Variants in ANKRD62 observed in about 807,000 individuals in gnomAD.
The protein encoded by ANKRD62 is ankyrin repeat domain 62, also known as ankyrin repeat domain-containing protein 62.
Under a neutral mutation model 98.8 loss-of-function variants are expected in ANKRD62, and 61 were observed. The ratio of observed to expected loss-of-function variants is 0.62; its 90% CI spans 0.50 to 0.76. The LOEUF (loss-of-function observed/expected upper bound fraction) is 0.76. Among genes scored for constraint, ANKRD62 ranks in the 30% least tolerant of loss-of-function variants. The pLI is 0.00. For missense variants in ANKRD62, 933 were observed against 1,082.9 expected (o/e 0.86, Z 1.94); for synonymous variants, 341 against 367.9 (o/e 0.93, Z 0.84).
chr18:12,106,627 C>T (rs764518624), intron 7 of ANKRD62, among the ~76,000 whole-genome samples: 12 of 152,130 alleles, frequency 7.9e-5, no homozygotes, highest in Non-Finnish European at 1.6e-4. Context: ...CACTGTATAT[C>T]CTCCAGCTAT....
chr18:12,115,572 C>T, intron 10 of ANKRD62, 38 bp downstream of exon 10: 1 of 1,507,764 alleles, frequency 6.6e-7, no homozygotes, highest in Non-Finnish European at 8.9e-7. Flanking sequence ...CTTTCCCTAT[C>T]CTATAGTAAT....
Position 12,115,461 on chromosome 18 carries a change from GGAT to G in ANKRD62, c.1173_1175del (p.Asp391del), listed in dbSNP as rs763272059. 1.1e-4 allele frequency: 173 copies of G among 1,537,120 alleles called. No individual in the cohort carries two copies. Among genetic ancestry groups the G allele is most frequent in the Non-Finnish European group, 3.8e-5 (44 of 1,146,520 alleles). ...GTGGGTCATCTGAAAAAACCTCAGA[GGAT>G]GATGAGTTGCCTTACTCTGATGATG... On this transcript the variant is annotated inframe_deletion, in exon 10 of 14. Coordinates refer to ENST00000587848, the MANE Select transcript of ANKRD62 (RefSeq NM_001277333.2).
chr18:12,137,599 G>A, the ANKRD62 span, among the ~76,000 whole-genome samples: 7 of 151,824 alleles, frequency 4.6e-5, no homozygotes, highest in Middle Eastern at 3.4e-3. Flanking sequence ...TTTTCTATTG[G>A]TTGCAATAGT....
chr18:12,103,283 C>T (rs535480865), intron 7 of ANKRD62, 55 bp downstream of exon 7: 2 of 1,125,690 alleles, frequency 1.8e-6, no homozygotes, highest in Non-Finnish European at 2.3e-6. Flanking sequence ...GTAGCATAAT[C>T]CAAATGAAAT....
chr18:12,113,246 A>C (rs1440785478), intron 8 of ANKRD62, among the ~76,000 whole-genome samples: 2 of 152,202 alleles, frequency 1.3e-5, no homozygotes, highest in Non-Finnish European at 2.9e-5. Flanking sequence ...CAAACATGGA[A>C]AAAAAGCTCA....
chr18:12,105,597 T>G (rs1395809402), intron 7 of ANKRD62, among the ~76,000 whole-genome samples: 1 of 152,250 alleles, frequency 6.6e-6, no homozygotes, highest in African/African-American at 2.4e-5. Flanking sequence ...GGCCACTTGC[T>G]GCCACTCGTT....
At chr18:12,122,559 C>A in intron 11 of ANKRD62, 43 bp downstream of exon 11, 1 of 1,445,932 alleles carries the variant, frequency 6.9e-7, no homozygotes, top group Non-Finnish European at 9.2e-7. Flanking sequence ...ACTATTTATA[C>A]TAAGGATATG....
At chr18:12,135,716 CTT>C in the ANKRD62 span, among the ~76,000 whole-genome samples, 2 of 151,988 alleles carry the variant, frequency 1.3e-5, no homozygotes, top group Non-Finnish European at 2.9e-5. Flanking sequence ...TGTTTCCTGA[CTT>C]TTTAATGATC....
At chr18:12,170,324 G>A in the ANKRD62 span, among the ~76,000 whole-genome samples, 642 of 152,276 alleles carry the variant, frequency 4.2e-3, 9 homozygotes, top group African/African-American at 0.015. Flanking sequence ...GTTCTGGTAT[G>A]TTGTGTCTTT....
At chr18:12,122,925 GTTGA>G (rs530999471) in intron 11 of ANKRD62, among the ~76,000 whole-genome samples, 12 of 152,184 alleles carry the variant, frequency 7.9e-5, no homozygotes, top group African/African-American at 2.6e-4. Flanking sequence ...AAAAGAGATC[GTTGA>G]TTAATATTAC....
Position 12,122,164 on chromosome 18 carries a change from A to G in ANKRD62, c.1241-139A>G, listed in dbSNP as rs372826887. ...TGTTTTATCTGAAGAGCTTTCTAAA[A>G]TATTTTCCACATTGCAAGCACTTAA... On this transcript the variant is annotated intron_variant, in intron 10 of 13. Coordinates refer to ENST00000587848, the MANE Select transcript of ANKRD62 (RefSeq NM_001277333.2). The G allele has an allele frequency of 1.2e-4, 71 of 594,612 alleles. 1 individual carries two copies. The South Asian group carries it at 1.4e-3, about 11-fold the overall frequency. 36.8% of individuals were successfully genotyped at this position (594,612 alleles called of 1,614,324 possible).
rs967764998 is a variant in ANKRD62 at position 12,115,208 on chromosome 18, G to C, written c.1098+87G>C. The C allele has an allele frequency of 2.2e-5, 29 of 1,320,360 alleles. No homozygotes were observed. In the East Asian group the frequency reaches 7.6e-4, roughly 34 times the overall value. The allele number at this position is 1,320,360 out of a possible 1,614,324, so 81.8% of individuals were successfully genotyped here. On this transcript the variant is annotated intron_variant, in intron 9 of 13. Coordinates refer to ENST00000587848, the MANE Select transcript of ANKRD62 (RefSeq NM_001277333.2). ...AAAACAGAAAATCTTTTGCTGTAAA[G>C]ACATTGACTTTGATAAAGCAGCGGT...
At chr18:12,105,661 A>G (rs1431747705) in intron 7 of ANKRD62, among the ~76,000 whole-genome samples, 1 of 152,134 alleles carries the variant, frequency 6.6e-6, no homozygotes, top group Non-Finnish European at 1.5e-5. Flanking sequence ...ACTTATGAAA[A>G]GCTCTTACAT....
intron 11 of ANKRD62, among the ~76,000 whole-genome samples, chr18:12,123,411 G>C (rs915503643): frequency 6.6e-6 from 1 of 152,130 alleles, no homozygotes; most frequent in African/African-American, 2.4e-5. Context: ...TTACTGATTA[G>C]CTTAGTGAAC....
chr18:12,112,110 T>TGA (rs1318094455), intron 8 of ANKRD62, among the ~76,000 whole-genome samples: 8 of 81,868 alleles, frequency 9.8e-5, no homozygotes, highest in African/African-American at 2.6e-4. Flanking sequence ...AGACTCCAAC[T>TGA]CAAAAAAAAA....
At chr18:12,145,420 C>T in the ANKRD62 span, among the ~76,000 whole-genome samples, 26 of 152,330 alleles carry the variant, frequency 1.7e-4, no homozygotes, top group African/African-American at 4.1e-4. Context: ...GAGAATACCA[C>T]GACTGGGGAC....
the ANKRD62 span, among the ~76,000 whole-genome samples, chr18:12,164,112 A>T: frequency 6.6e-6 from 1 of 151,990 alleles, no homozygotes; most frequent in Non-Finnish European, 1.5e-5. Context: ...AGTAGAATTC[A>T]GCAGTGAAGC....
chr18:12,161,775 C>G, the ANKRD62 span, among the ~76,000 whole-genome samples: 3 of 152,174 alleles, frequency 2.0e-5, no homozygotes, highest in African/African-American at 7.2e-5. Flanking sequence ...GTGAGAACAT[C>G]AATGTTTTTC....
Position 12,107,482 on chromosome 18 carries a change from A to C in ANKRD62, c.1064+15A>C. 6.8e-7 allele frequency: 1 copy of C among 1,474,836 alleles called. No individual in the cohort carries two copies. The highest frequency in any genetic ancestry group is 8.9e-7 in the Non-Finnish European group (1 of 1,117,664). The allele number at this position is 1,474,836 out of a possible 1,614,324, so 91.4% of individuals were successfully genotyped here. A position where few individuals can be genotyped will look rare whatever the true frequency, so the allele number is the denominator to read the frequency against. Reference sequence around the variant, plus strand: ...GAGTTTGATAGGTAATCCTGTAGCGATAGTTAACAGCGGATCACTGTTAAT... The same window carrying C: ...GAGTTTGATAGGTAATCCTGTAGCGCTAGTTAACAGCGGATCACTGTTAAT... On this transcript the variant is annotated intron_variant, in intron 8 of 13. Transcript: ENST00000587848.
Sources: allele counts gnomAD v4.1 joint callset (sites outside exome capture counted in the v4.1 genomes callset), GRCh38; gene constraint gnomAD v4.1.1; transcripts MANE v1.5; gene names NCBI Gene and HGNC (gene_info 2026-07-23, HGNC 2026-07-21).